Variants in RYR2 observed in about 807,000 individuals in gnomAD.
RYR2 encodes the protein ryanodine receptor 2.
In RYR2, 227 loss-of-function variants were observed where a neutral mutation model predicts 601.1. That is an observed-to-expected ratio of 0.38 (90% CI 0.34 to 0.42). The LOEUF (loss-of-function observed/expected upper bound fraction) is 0.42, where lower values mean the gene tolerates loss of function less well. Ranked by LOEUF, RYR2 falls within the 10% of genes least tolerant of loss-of-function variation. RYR2 has a pLI of 1.00. For missense variants in RYR2, 4,646 were observed against 6,156.5 expected (o/e 0.75, Z 8.21); for synonymous variants, 2,223 against 2,175.1 (o/e 1.02, Z -0.61).
At chr1:237,636,533 A>G (rs1680889881) in intron 44 of RYR2, among the ~76,000 whole-genome samples, 1 of 152,232 alleles carries the variant, frequency 6.6e-6, no homozygotes, top group African/African-American at 2.4e-5. Flanking sequence ...CCAAATGCTG[A>G]GAAGGACAAG....
chr1:237,067,202 C>T (rs1439119533), intron 1 of RYR2, among the ~76,000 whole-genome samples: 2 of 151,450 alleles, frequency 1.3e-5, no homozygotes, highest in Non-Finnish European at 2.9e-5. Context: ...TTTTTTTTGC[C>T]CCATGCCTAA....
chr1:237,463,574 C>G (rs755357497), intron 16 of RYR2, among the ~76,000 whole-genome samples: 38 of 151,926 alleles, frequency 2.5e-4, no homozygotes, highest in Non-Finnish European at 4.9e-4. Context: ...GGCAAAGTGA[C>G]TCATTTCTAT....
chr1:237,707,980 C>T (rs1688524060), intron 68 of RYR2, among the ~76,000 whole-genome samples: 1 of 147,062 alleles, frequency 6.8e-6, no homozygotes, highest in Admixed American at 7.0e-5. Context: ...TGGGGTTTCA[C>T]CATGTTCGCC....
rs570125672 is a variant in RYR2, at chr1:237,517,721, C to A, written c.2822+5930C>A. On this transcript the variant is annotated intron_variant, in intron 24 of 104. Transcript: ENST00000366574. ...AGATACAGAGACTTTTCTTATGCCCCCTGTTTCCACAGGCAACTGCCCTCA... is the reference window on the plus strand; with the variant it reads ...AGATACAGAGACTTTTCTTATGCCCACTGTTTCCACAGGCAACTGCCCTCA... Among the ~76,000 whole-genome samples the A allele has an allele frequency of 4.9e-4, 75 of 152,214 alleles. No homozygotes were observed. In the South Asian group the frequency reaches 0.015, roughly 30 times the overall value.
intron 80 of RYR2, among the ~76,000 whole-genome samples, chr1:237,750,082 G>A (rs1449335108): frequency 1.3e-5 from 2 of 152,152 alleles, no homozygotes; most frequent in Non-Finnish European, 2.9e-5. Context: ...GGAGGCGGAG[G>A]TTGCAGTGAG....
intron 84 of RYR2, among the ~76,000 whole-genome samples, chr1:237,761,354 C>A (rs1032710225): frequency 7.2e-5 from 11 of 152,142 alleles, no homozygotes; most frequent in African/African-American, 2.7e-4. Context: ...ATAGATGAAC[C>A]TTTCAAGAAC....
Position 237,828,585 on chromosome 1 carries a change from T to C in RYR2, c.14655+140T>C, listed in dbSNP as rs572970265. The C allele has an allele frequency of 1.9e-5, 11 of 588,664 alleles. No homozygotes were observed. The East Asian group carries it at 2.5e-4, about 14-fold the overall frequency. The allele number at this position is 588,664 out of a possible 1,614,324, so 36.5% of individuals were successfully genotyped here. On this transcript the variant is annotated intron_variant, in intron 102 of 104. Coordinates refer to ENST00000366574, the MANE Select transcript of RYR2 (RefSeq NM_001035.3). ...TGTGGTTTCACTGGCGTGTTTTCCA[T>C]TCAAGCAATACATATAGTTGAGCTG...
intron 25 of RYR2, among the ~76,000 whole-genome samples, chr1:237,545,580 G>A (rs998780377): frequency 6.6e-6 from 1 of 152,134 alleles, no homozygotes; most frequent in South Asian, 2.1e-4. Flanking sequence ...CCATGGGCCA[G>A]TTGTGGGGAG....
At chr1:237,530,620 C>CA in intron 25 of RYR2, 110 bp downstream of exon 25, 1 of 923,726 alleles carries the variant, frequency 1.1e-6, no homozygotes. Flanking sequence ...CTTTAAAATT[C>CA]AGATTCAAGG....
chr1:237,776,278 C>A (rs905786791), intron 87 of RYR2, among the ~76,000 whole-genome samples: 1 of 152,022 alleles, frequency 6.6e-6, no homozygotes, highest in African/African-American at 2.4e-5. Flanking sequence ...CTAATTATAA[C>A]CAGGGATGAA....
intron 17 of RYR2, among the ~76,000 whole-genome samples, chr1:237,489,370 A>C (rs1464021049): frequency 6.6e-6 from 1 of 152,160 alleles, no homozygotes; most frequent in Non-Finnish European, 1.5e-5. Flanking sequence ...ATTGTTAAAA[A>C]GTCAGGCTGG....
At chr1:237,059,400 T>C (rs1662570832) in intron 1 of RYR2, among the ~76,000 whole-genome samples, 1 of 152,134 alleles carries the variant, frequency 6.6e-6, no homozygotes, top group Non-Finnish European at 1.5e-5. Flanking sequence ...AATGACACCC[T>C]CTTTTGCTTG....
chr1:237,114,458 G>T (rs906799010), intron 1 of RYR2, among the ~76,000 whole-genome samples: 2 of 152,190 alleles, frequency 1.3e-5, no homozygotes, highest in Admixed American at 6.5e-5. Flanking sequence ...AATTAAAGAA[G>T]TTTGTATTTC....
At chr1:237,545,863 C>A (rs1003067922) in intron 25 of RYR2, among the ~76,000 whole-genome samples, 1 of 151,290 alleles carries the variant, frequency 6.6e-6, no homozygotes, top group Non-Finnish European at 1.5e-5. Flanking sequence ...GGTTGAAGAG[C>A]GGCCTGGGCA....
At chr1:237,161,300 TG>T (rs1266310880) in intron 1 of RYR2, among the ~76,000 whole-genome samples, 1 of 152,144 alleles carries the variant, frequency 6.6e-6, no homozygotes, top group African/African-American at 2.4e-5. Context: ...TCTAGATTTT[TG>T]TACCTTCCAC....
At position 237,147,829 on chromosome 1, in the gene RYR2, C is replaced by T. The variant is rs78900600; in HGVS notation, c.48+105260C>T. On this transcript the variant is annotated intron_variant, in intron 1 of 104. Transcript: ENST00000366574. Reference sequence around the variant, plus strand: ...TAAACTGGATCTAGCAAAGTCCAAGCGAGTATAGTTTCTGCAAAAGCTTCT... The same window carrying T: ...TAAACTGGATCTAGCAAAGTCCAAGTGAGTATAGTTTCTGCAAAAGCTTCT... Among the ~76,000 whole-genome samples the T allele has an allele frequency of 3.6e-3, 549 of 152,292 alleles. 4 individuals are homozygous for T. Among genetic ancestry groups the T allele is most frequent in the African/African-American group, 0.012 (492 of 41,562 alleles).
intron 1 of RYR2, among the ~76,000 whole-genome samples, chr1:237,158,197 GA>G (rs527896772): frequency 6.6e-6 from 1 of 152,208 alleles, no homozygotes; most frequent in Non-Finnish European, 1.5e-5. Flanking sequence ...TCTTCCCATA[GA>G]AAGTTAATTA....
At chr1:237,522,747 C>T (rs1012431986) in intron 24 of RYR2, among the ~76,000 whole-genome samples, 3 of 152,192 alleles carry the variant, frequency 2.0e-5, no homozygotes, top group African/African-American at 7.2e-5. Flanking sequence ...CAGGGTGCCT[C>T]ACATTTGCTT....
intron 2 of RYR2, among the ~76,000 whole-genome samples, chr1:237,271,855 G>T (rs1316847036): frequency 6.6e-6 from 1 of 152,164 alleles, no homozygotes; most frequent in Non-Finnish European, 1.5e-5. Context: ...ACCACTCCAG[G>T]CACGGTGTCT....
Sources: allele counts gnomAD v4.1 joint callset (sites outside exome capture counted in the v4.1 genomes callset), GRCh38; gene constraint gnomAD v4.1.1; transcripts MANE v1.5; gene names NCBI Gene and HGNC (gene_info 2026-07-23, HGNC 2026-07-21).